The following TXNDC16 variants were observed in gnomAD, a reference collection of about 807,000 sequenced individuals.
TXNDC16 encodes the protein thioredoxin domain containing 16.
TXNDC16 carries 74 observed loss-of-function variants against 85.6 expected under a neutral mutation model. That is an observed-to-expected ratio of 0.86 (90% CI 0.72 to 1.05). The LOEUF (loss-of-function observed/expected upper bound fraction) is 1.05. Among genes scored for constraint, TXNDC16 ranks in the 50% least tolerant of loss-of-function variants. The pLI is 0.00. For synonymous variants in TXNDC16, 335 were observed against 326.5 expected (o/e 1.03, Z -0.28); for missense variants, 959 against 947.0 (o/e 1.01, Z -0.17).
At chr14:52,482,657 T>C (rs2036176463) in intron 13 of TXNDC16, among the ~76,000 whole-genome samples, 165 bp downstream of exon 13, 1 of 152,138 alleles carries the variant, frequency 6.6e-6, no homozygotes, top group Admixed American at 6.6e-5. Context: ...TATAAATCAA[T>C]TGCACAATCC....
intron 18 of TXNDC16, among the ~76,000 whole-genome samples, chr14:52,451,700 A>C (rs905263643): frequency 6.6e-6 from 1 of 152,164 alleles, no homozygotes; most frequent in African/African-American, 2.4e-5. Context: ...ATACCTCAAC[A>C]TAACAAAGCC....
chr14:52,443,971 A>G (rs1208976499), intron 18 of TXNDC16, among the ~76,000 whole-genome samples: 2 of 152,328 alleles, frequency 1.3e-5, no homozygotes, highest in East Asian at 3.9e-4. Context: ...AATTTTCCAA[A>G]GAAAAGACAT....
In TXNDC16 at chr14:52,519,175, G is replaced by A. The variant is rs201262291; in HGVS notation, c.511C>T (p.Pro171Ser). Residue 171 changes from proline to serine, a missense_variant, in exon 7 of 21, where the codon CCA becomes TCA. Transcript: ENST00000281741. ...TAAAGCAAAAGTTAAAGAATACCTG[G>A]TATTCCAATGGCTCTTACATATGAG... ...IFSYVRAIGI[P>S]EHRAVMEAAF... is the part of the protein sequence containing the mutation. The A allele has an allele frequency of 4.0e-5, 65 of 1,608,238 alleles. No individual in the cohort carries two copies. Among genetic ancestry groups the A allele is most frequent in the Non-Finnish European group, 5.0e-5 (59 of 1,177,686 alleles).
chr14:52,496,228 A>G (rs1024680668), intron 9 of TXNDC16, among the ~76,000 whole-genome samples: 2 of 152,052 alleles, frequency 1.3e-5, no homozygotes, highest in African/African-American at 4.8e-5. Context: ...GGACAGGCAT[A>G]GTATAACCAC....
intron 16 of TXNDC16, among the ~76,000 whole-genome samples, chr14:52,461,787 CCA>C: frequency 6.6e-6 from 1 of 152,340 alleles, no homozygotes; most frequent in African/African-American, 2.4e-5. Flanking sequence ...CTTACCATGG[CCA>C]CCTGTCCAGA....
At chr14:52,535,829 G>A (rs1212576880) in intron 6 of TXNDC16, among the ~76,000 whole-genome samples, 1 of 152,106 alleles carries the variant, frequency 6.6e-6, no homozygotes, top group Non-Finnish European at 1.5e-5. Context: ...AAGAAACCCA[G>A]CTGGGATAAG....
Position 52,470,157 on chromosome 14 carries a change from G to C in TXNDC16, c.1498C>G (p.Pro500Ala), listed in dbSNP as rs1469727090. 1 of 1,600,666 alleles carries C rather than the reference G, an allele frequency of 6.2e-7. No individual in the cohort carries two copies. Among genetic ancestry groups the C allele is most frequent in the South Asian group, 1.1e-5 (1 of 88,282 alleles). The change falls in exon 16 of 21, where the codon CCA becomes GCA. Residue 500 changes from proline to alanine, a missense_variant. Coordinates refer to ENST00000281741, the MANE Select transcript of TXNDC16 (RefSeq NM_020784.3). ...TCTTGGATCGATGTTATATTCACTGGATATGAAATCCTGTTGCTGGATAAA... is the reference window on the plus strand; with the variant it reads ...TCTTGGATCGATGTTATATTCACTGCATATGAAATCCTGTTGCTGGATAAA... ...KFIQLNRISYPVNITSIQEAE... is the reference protein window; with the variant it reads ...KFIQLNRISYAVNITSIQEAE...
At chr14:52,526,433 T>G (rs1001161628) in intron 6 of TXNDC16, among the ~76,000 whole-genome samples, 5 of 152,178 alleles carry the variant, frequency 3.3e-5, no homozygotes, top group Non-Finnish European at 7.3e-5. Flanking sequence ...ACTACATGCA[T>G]TTACATGTGC....
chr14:52,539,676 T>C (rs1017917363), intron 4 of TXNDC16, among the ~76,000 whole-genome samples: 1 of 152,084 alleles, frequency 6.6e-6, no homozygotes, highest in African/African-American at 2.4e-5. Flanking sequence ...AAAATGAAGG[T>C]ATAGGAAGTG....
chr14:52,482,739 A>G (rs1349390050), intron 13 of TXNDC16, 83 bp downstream of exon 13: 2 of 1,286,394 alleles, frequency 1.6e-6, no homozygotes, highest in African/African-American at 3.0e-5. Context: ...ATTTTACAAC[A>G]TGCAATACAT....
chr14:52,519,407 C>T, intron 6 of TXNDC16, 114 bp from the exon 7 acceptor site: 1 of 743,802 alleles, frequency 1.3e-6, no homozygotes, highest in Non-Finnish European at 2.2e-6. Context: ...AATAAATTAT[C>T]AGTAGTAATA....
At chr14:52,469,909 T>C (rs969284227) in intron 16 of TXNDC16, 128 bp downstream of exon 16, 21 of 933,558 alleles carry the variant, frequency 2.2e-5, no homozygotes, top group Non-Finnish European at 2.7e-5. Flanking sequence ...GCTTACGATA[T>C]TTTATTTTTC....
At chr14:52,470,237 A>T in intron 15 of TXNDC16, 64 bp from the exon 16 acceptor site, 1 of 1,283,100 alleles carries the variant, frequency 7.8e-7, no homozygotes, top group South Asian at 1.5e-5. Flanking sequence ...TGTAAAAAAA[A>T]AGCATACTAA....
intron 14 of TXNDC16, among the ~76,000 whole-genome samples, chr14:52,473,698 T>C (rs2035957258): frequency 6.6e-6 from 1 of 152,202 alleles, no homozygotes; most frequent in Non-Finnish European, 1.5e-5. Context: ...TAATTTCAAA[T>C]AGGTTCCTAA....
intron 7 of TXNDC16, among the ~76,000 whole-genome samples, chr14:52,516,146 C>A (rs1027846253): frequency 6.6e-6 from 1 of 152,094 alleles, no homozygotes; most frequent in African/African-American, 2.4e-5. Context: ...ACCTAGCCTG[C>A]TGCACAACTG....
intron 4 of TXNDC16, among the ~76,000 whole-genome samples, chr14:52,538,687 G>A (rs1370729642): frequency 6.6e-6 from 1 of 152,148 alleles, no homozygotes; most frequent in African/African-American, 2.4e-5. Context: ...GGCAAATGGA[G>A]AGCCACCAAT....
chr14:52,459,846 G>A (rs2035614241), intron 16 of TXNDC16, among the ~76,000 whole-genome samples: 1 of 152,044 alleles, frequency 6.6e-6, no homozygotes, highest in Non-Finnish European at 1.5e-5. Flanking sequence ...TGTAGAAAAG[G>A]CCTTCAATAA....
At chr14:52,458,243 G>A (rs1162951423) in intron 16 of TXNDC16, among the ~76,000 whole-genome samples, 4 of 152,188 alleles carry the variant, frequency 2.6e-5, no homozygotes, top group Non-Finnish European at 5.9e-5. Flanking sequence ...AGCATGGGGA[G>A]CTCATTTACA....
chr14:52,442,938 A>C (rs191606324), intron 18 of TXNDC16, among the ~76,000 whole-genome samples: 1 of 152,312 alleles, frequency 6.6e-6, no homozygotes, highest in East Asian at 1.9e-4. Context: ...ATAATAAATA[A>C]AAAATTTAAT....
Sources: allele counts gnomAD v4.1 joint callset (sites outside exome capture counted in the v4.1 genomes callset), GRCh38; gene constraint gnomAD v4.1.1; transcripts MANE v1.5; gene names NCBI Gene and HGNC (gene_info 2026-07-23, HGNC 2026-07-21).